NELL2: variants seen among roughly 807,000 people sequenced by gnomAD.
NELL2 encodes protein kinase C-binding protein NELL2.
In NELL2, 41 loss-of-function variants were observed where a neutral mutation model predicts 109.6. The observed-to-expected ratio is 0.37, with a 90% CI of 0.29 to 0.49. NELL2 has a LOEUF of 0.49. NELL2 is among the 20% of genes least tolerant of loss of function. The pLI is 0.98. For synonymous variants in NELL2, 355 were observed against 344.7 expected (o/e 1.03, Z -0.33); for missense variants, 900 against 1,008.3 (o/e 0.89, Z 1.45).
At chr12:44,795,909 C>A (rs1048856546) in intron 3 of NELL2, among the ~76,000 whole-genome samples, 4 of 152,022 alleles carry the variant, frequency 2.6e-5, no homozygotes, top group Non-Finnish European at 5.9e-5. Context: ...TTAGAAATAT[C>A]TTTTCTGATA....
In NELL2 at chr12:44,579,639, T is replaced by C. The variant is rs374759357; in HGVS notation, c.1663+27530A>G. On this transcript the variant is annotated intron_variant, in intron 15 of 19. Coordinates refer to ENST00000429094, the MANE Select transcript of NELL2 (RefSeq NM_001145108.2). ...TTAAAACAGAAGAATGCCTACTAAA[T>C]ATGACTTTAGTTTTAATACCAAGAA... Among the ~76,000 whole-genome samples the C allele has an allele frequency of 5.3e-5, 8 of 152,298 alleles. No individual in the cohort carries two copies. The South Asian group carries it at 1.7e-3, about 32-fold the overall frequency.
At chr12:44,672,484 T>G (rs1171194593) in intron 12 of NELL2, among the ~76,000 whole-genome samples, 2 of 152,180 alleles carry the variant, frequency 1.3e-5, no homozygotes, top group Admixed American at 6.5e-5. Flanking sequence ...GTGGAAAAAT[T>G]GTGTTCCACA....
chr12:44,743,538 C>A (rs1308306563), intron 9 of NELL2, among the ~76,000 whole-genome samples: 6 of 152,104 alleles, frequency 3.9e-5, no homozygotes, highest in Non-Finnish European at 7.3e-5. Context: ...CATCAGTGTG[C>A]TGTATTCAGG....
intron 1 of NELL2, 97 bp from the exon 2 acceptor site, chr12:44,875,450 C>T (rs1945287882): frequency 6.2e-7 from 1 of 1,613,908 alleles, no homozygotes. Flanking sequence ...GTTTTCGCGA[C>T]AATATTGGGA....
chr12:44,600,386 A>T (rs1945174010), intron 15 of NELL2, among the ~76,000 whole-genome samples: 1 of 151,988 alleles, frequency 6.6e-6, no homozygotes, highest in South Asian at 2.1e-4. Context: ...ATATCCTTCA[A>T]GAAGAAAGAA....
Position 44,863,730 on chromosome 12 carries a change from G to C in NELL2, c.184+11495C>G, listed in dbSNP as rs139113406. Among the ~76,000 whole-genome samples, 3 of 152,168 alleles carry C rather than the reference G, an allele frequency of 2.0e-5. No homozygotes were observed. In the East Asian group the frequency reaches 5.8e-4, roughly 29 times the overall value. On this transcript the variant is annotated intron_variant, in intron 2 of 19. Coordinates refer to ENST00000429094, the MANE Select transcript of NELL2 (RefSeq NM_001145108.2). ...AAACATCTGAAATATAAAACTCATT[G>C]GTAAAATGAAGTACAAAGTCAAATT...
At chr12:44,804,446 T>C (rs1379976887) in intron 3 of NELL2, among the ~76,000 whole-genome samples, 1 of 151,850 alleles carries the variant, frequency 6.6e-6, no homozygotes, top group African/African-American at 2.4e-5. Context: ...GGAGATAACA[T>C]AAACTCCACT....
intron 9 of NELL2, among the ~76,000 whole-genome samples, chr12:44,742,887 A>G (rs768633493): frequency 6.6e-6 from 1 of 152,228 alleles, no homozygotes; most frequent in Non-Finnish European, 1.5e-5. Context: ...GCAGGATATT[A>G]TCCAGGAGAA....
rs778766410 is a variant in NELL2 at position 44,816,039 on chromosome 12, T to C, written c.282A>G (p.Lys94=). Residue 94 remains lysine, a synonymous_variant, in exon 3 of 20, where the codon AAA becomes AAG. Coordinates refer to ENST00000429094, the MANE Select transcript of NELL2 (RefSeq NM_001145108.2). ...KHEFTILVTL[K]QTHLNSGVIL... Reference sequence around the variant, plus strand: ...TAACTCCTGAATTTAAGTGGGTCTGTTTTAGGGTCACCAAAATAGTAAATT... The same window carrying C: ...TAACTCCTGAATTTAAGTGGGTCTGCTTTAGGGTCACCAAAATAGTAAATT... 13 of 1,613,628 alleles carry C rather than the reference T, an allele frequency of 8.1e-6. No individual in the cohort carries two copies. Among genetic ancestry groups the C allele is most frequent in the Non-Finnish European group, 1.7e-6 (2 of 1,179,910 alleles).
At chr12:44,591,484 T>TCCTG (rs111290163) in intron 15 of NELL2, among the ~76,000 whole-genome samples, 1 of 151,370 alleles carries the variant, frequency 6.6e-6, no homozygotes, top group East Asian at 1.9e-4. Flanking sequence ...GCAACATGGA[T>TCCTG]GAGAACATTA....
chr12:44,588,076 G>GGGAGGC (rs764916818), intron 15 of NELL2, among the ~76,000 whole-genome samples: 38 of 151,170 alleles, frequency 2.5e-4, no homozygotes, highest in East Asian at 5.8e-4. Flanking sequence ...GTGTGAACCC[G>GGGAGGC]GGAGGTGGAG....
At chr12:44,850,979 A>C (rs1051179727) in intron 2 of NELL2, among the ~76,000 whole-genome samples, 7 of 152,198 alleles carry the variant, frequency 4.6e-5, no homozygotes, top group African/African-American at 1.7e-4. Context: ...CTAATTAGGA[A>C]GATGTGGGAG....
chr12:44,566,566 C>CACACAG (rs377368706), intron 15 of NELL2, among the ~76,000 whole-genome samples: 50 of 138,508 alleles, frequency 3.6e-4, no homozygotes, highest in Middle Eastern at 3.7e-3. Context: ...CACACACACA[C>CACACAG]AGAGTTTTAT....
intron 3 of NELL2, among the ~76,000 whole-genome samples, chr12:44,814,993 T>C (rs1943294988): frequency 1.3e-5 from 2 of 152,200 alleles, no homozygotes; most frequent in South Asian, 4.1e-4. Flanking sequence ...AGCAGTACTA[T>C]TATCCTCAAT....
intron 13 of NELL2, among the ~76,000 whole-genome samples, chr12:44,658,646 A>G (rs1168724678): frequency 6.6e-6 from 1 of 151,994 alleles, no homozygotes; most frequent in Non-Finnish European, 1.5e-5. Context: ...AATCCTAAGC[A>G]AAAAGGGATC....
At chr12:44,521,873 G>T in intron 18 of NELL2, 127 bp downstream of exon 18, 1 of 856,888 alleles carries the variant, frequency 1.2e-6, no homozygotes, top group Non-Finnish European at 1.8e-6. Flanking sequence ...TCCTAACCAG[G>T]CTCACTGTTT....
intron 1 of NELL2, among the ~76,000 whole-genome samples, chr12:44,888,153 T>C (rs894299276): frequency 6.6e-6 from 1 of 152,068 alleles, no homozygotes; most frequent in Non-Finnish European, 1.5e-5. Flanking sequence ...TCAAAATGTG[T>C]GAATCTATAT....
At chr12:44,712,902 T>C (rs1433541434) in intron 10 of NELL2, among the ~76,000 whole-genome samples, 1 of 151,862 alleles carries the variant, frequency 6.6e-6, no homozygotes, top group Non-Finnish European at 1.5e-5. Context: ...AAAATTACGT[T>C]TGTGGCTTGC....
chr12:44,647,493 AG>A (rs1312679987), intron 13 of NELL2, among the ~76,000 whole-genome samples: 1 of 152,156 alleles, frequency 6.6e-6, no homozygotes, highest in African/African-American at 2.4e-5. Flanking sequence ...ATAATTTAAT[AG>A]GGGAAGATGG....
Sources: allele counts gnomAD v4.1 joint callset (sites outside exome capture counted in the v4.1 genomes callset), GRCh38; gene constraint gnomAD v4.1.1; transcripts MANE v1.5; gene names NCBI Gene and HGNC (gene_info 2026-07-23, HGNC 2026-07-21).